Variants in SNX29 observed in about 807,000 individuals in gnomAD.
SNX29 encodes sorting nexin 29.
A neutral mutation model predicts 102.1 loss-of-function variants in SNX29; 78 were observed. That is an observed-to-expected ratio of 0.76 (90% CI 0.64 to 0.92). The LOEUF is 0.92. Among genes scored for constraint, SNX29 ranks in the 40% least tolerant of loss-of-function variants. SNX29 has a pLI of 0.00. For synonymous variants in SNX29, 580 were observed against 414.5 expected, an observed-to-expected ratio of 1.40 and a Z score of -4.85; for missense variants, 1,280 against 1,061.7, an observed-to-expected ratio of 1.21 and a Z score of -2.86.
intron 18 of SNX29, among the ~76,000 whole-genome samples, chr16:12,413,744 G>T (rs2084504414): frequency 6.6e-6 from 1 of 152,236 alleles, no homozygotes; most frequent in East Asian, 1.9e-4. Flanking sequence ...CACGCCAGGC[G>T]CCCTGCCCCG....
At chr16:11,983,892 G>C (rs1312670672) in intron 1 of SNX29, among the ~76,000 whole-genome samples, 2 of 152,194 alleles carry the variant, frequency 1.3e-5, no homozygotes, top group African/African-American at 2.4e-5. Context: ...CACCCCCAAG[G>C]GGGTGAACAC....
At chr16:12,333,216 C>G (rs927316091) in intron 15 of SNX29, among the ~76,000 whole-genome samples, 30 of 149,916 alleles carry the variant, frequency 2.0e-4, no homozygotes, top group African/African-American at 6.9e-4. Flanking sequence ...AGTGATTGTC[C>G]TGCCTCAGCC....
In SNX29 at chr16:12,456,230, G is replaced by C. The variant is rs188095968; in HGVS notation, c.2038-21489G>C. On this transcript the variant is annotated intron_variant, in intron 18 of 20. Coordinates refer to ENST00000566228, the MANE Select transcript of SNX29 (RefSeq NM_032167.5). ...AAATCTTAAAATGTGCAGAGCTTAC[G>C]TTCAGTGGAGAGAGGACAGCAAGCC... 7.3e-4 allele frequency among the ~76,000 whole-genome samples: 111 copies of C among 152,258 alleles called. 2 individuals carry two copies. The East Asian group carries it at 0.016, about 22-fold the overall frequency.
intron 11 of SNX29, chr16:12,081,757 T>G (rs1340230086): frequency 6.7e-6 from 1 of 149,526 alleles, no homozygotes; most frequent in Non-Finnish European, 1.5e-5. Flanking sequence ...AATTTAGGGA[T>G]AAAACCTTGG....
At chr16:12,486,800 T>C (rs568446628) in intron 19 of SNX29, among the ~76,000 whole-genome samples, 1 of 152,360 alleles carries the variant, frequency 6.6e-6, no homozygotes, top group African/African-American at 2.4e-5. Flanking sequence ...CGCTCCACCC[T>C]TGCTTAGGGG....
intron 14 of SNX29, among the ~76,000 whole-genome samples, chr16:12,273,970 G>A (rs1211242430): frequency 6.6e-6 from 1 of 152,150 alleles, no homozygotes; most frequent in Non-Finnish European, 1.5e-5. Flanking sequence ...ACCGCATCTT[G>A]TTCACTTACC....
chr16:12,420,412 A>G (rs1459722316), intron 18 of SNX29, among the ~76,000 whole-genome samples: 1 of 152,128 alleles, frequency 6.6e-6, no homozygotes, highest in Non-Finnish European at 1.5e-5. Flanking sequence ...AGGGTGTTTC[A>G]TCTTCTCTTC....
At chr16:12,354,986 G>A (rs2082091079) in intron 15 of SNX29, among the ~76,000 whole-genome samples, 2 of 152,052 alleles carry the variant, frequency 1.3e-5, no homozygotes, top group Admixed American at 1.3e-4. Flanking sequence ...GACAGAAGGG[G>A]GTACCTTTGG....
At chr16:12,404,232 C>CT (rs2084074551) in intron 18 of SNX29, among the ~76,000 whole-genome samples, 2 of 152,186 alleles carry the variant, frequency 1.3e-5, no homozygotes, top group South Asian at 4.1e-4. Flanking sequence ...CCTCTGCTTC[C>CT]TTGGGGTACG....
At chr16:12,474,166 G>C (rs942240071) in intron 18 of SNX29, among the ~76,000 whole-genome samples, 2 of 152,174 alleles carry the variant, frequency 1.3e-5, no homozygotes, top group Non-Finnish European at 2.9e-5. Flanking sequence ...CCCTGGGCAA[G>C]TGATCTGACC....
At chr16:12,191,411 C>A (rs1257788710) in intron 13 of SNX29, among the ~76,000 whole-genome samples, 1 of 152,176 alleles carries the variant, frequency 6.6e-6, no homozygotes. Context: ...TTGCCAGGAA[C>A]ATGACTTACC....
chr16:12,180,490 C>CTT (rs895306521), intron 13 of SNX29, among the ~76,000 whole-genome samples: 1 of 145,548 alleles, frequency 6.9e-6, no homozygotes, highest in African/African-American at 2.5e-5. Context: ...TTCTCTGTCT[C>CTT]TTTTTTTTTT....
intron 16 of SNX29, among the ~76,000 whole-genome samples, chr16:12,392,270 T>G (rs1339752924): frequency 2.6e-5 from 4 of 152,238 alleles, no homozygotes; most frequent in Non-Finnish European, 5.9e-5. Flanking sequence ...ATTCCTTGTT[T>G]CCAGGCTTTT....
At chr16:12,513,398 C>A in intron 19 of SNX29, among the ~76,000 whole-genome samples, 1 of 151,824 alleles carries the variant, frequency 6.6e-6, no homozygotes. Flanking sequence ...CCCTTCCCCT[C>A]CCCTCTACTC....
rs139908318 is a variant in SNX29, at chr16:12,468,873, G to T, written c.2038-8846G>T. Reference sequence around the variant, plus strand: ...GTCTAAAAACTAATAAAACAGCACAGGCAGTGTCAGCGGGGTGGGAAGGCT... The same window carrying T: ...GTCTAAAAACTAATAAAACAGCACATGCAGTGTCAGCGGGGTGGGAAGGCT... On this transcript the variant is annotated intron_variant, in intron 18 of 20. Coordinates refer to ENST00000566228, the MANE Select transcript of SNX29 (RefSeq NM_032167.5). Among the ~76,000 whole-genome samples the T allele has an allele frequency of 4.1e-3, 626 of 152,340 alleles. 1 individual carries two copies. The highest frequency in any genetic ancestry group is 0.014 in the African/African-American group (595 of 41,572).
At chr16:12,298,539 C>T (rs913023671) in intron 15 of SNX29, among the ~76,000 whole-genome samples, 2 of 152,164 alleles carry the variant, frequency 1.3e-5, no homozygotes, top group Admixed American at 1.3e-4. Context: ...TTCCTACCTC[C>T]TAGTGTTACT....
At chr16:12,338,159 G>C (rs547605704) in intron 15 of SNX29, among the ~76,000 whole-genome samples, 21 of 152,258 alleles carry the variant, frequency 1.4e-4, no homozygotes, top group African/African-American at 5.1e-4. Flanking sequence ...GGTGGGAGGC[G>C]GATCAATTGT....
At position 12,052,096 on chromosome 16, in the gene SNX29, G is replaced by C. The variant is rs371644200; in HGVS notation, c.998G>C (p.Gly333Ala). The C allele has an allele frequency of 3.1e-6, 5 of 1,613,826 alleles. No individual in the cohort carries two copies. In the African/African-American group the frequency reaches 6.7e-5, roughly 22 times the overall value. Reference protein sequence around the residue: ...SWKIDSLSLNGEFGYQKLDVK... With the variant: ...SWKIDSLSLNAEFGYQKLDVK... ...AAAATTGATTCCCTGTCTTTGAACG[G>C]GGAGTTTGGGTACCAGAAGCTTGAT... Residue 333 changes from glycine to alanine, a missense_variant, in exon 8 of 21, where the codon GGG becomes GCG. Gly to Ala is a moderately conservative substitution (Grantham distance 60). Transcript: ENST00000566228.
At chr16:12,478,596 G>A (rs1294635503) in intron 19 of SNX29, among the ~76,000 whole-genome samples, 1 of 152,168 alleles carries the variant, frequency 6.6e-6, no homozygotes, top group Non-Finnish European at 1.5e-5. Context: ...CAAGGGGCTG[G>A]GTTCAGCCCT....
Sources: gnomAD v4.1 joint callset for allele counts (sites outside exome capture counted in the v4.1 genomes callset) on GRCh38, gnomAD v4.1.1 for gene constraint, MANE v1.5 for transcripts, NCBI Gene and HGNC (gene_info 2026-07-23, HGNC 2026-07-21) for gene names.